RCAN2: variants seen among roughly 807,000 people sequenced by gnomAD.
RCAN2 encodes the protein calcipressin-2.
RCAN2 carries 9 observed loss-of-function variants against 23.6 expected under a neutral mutation model. That is an observed-to-expected ratio of 0.38 (90% CI 0.23 to 0.67). The LOEUF is 0.67. RCAN2 is among the 30% of genes least tolerant of loss of function. The pLI is 0.51. For missense variants in RCAN2, 273 were observed against 302.3 expected (o/e 0.90, Z 0.72); for synonymous variants, 109 against 115.7 (o/e 0.94, Z 0.37).
At position 46,337,025 on chromosome 6, in the gene RCAN2, T is replaced by C. The variant is rs146949130; in HGVS notation, c.226-88129A>G. Among the ~76,000 whole-genome samples the C allele has an allele frequency of 3.3e-5, 5 of 151,354 alleles. No homozygotes were observed. The East Asian group carries it at 5.8e-4, about 18-fold the overall frequency. ...GGGTTTCAGTCTGGGTAGATCATGG[T>C]AACTGTAACTGAAATAGCTTAGTTA... On this transcript the variant is annotated intron_variant, in intron 2 of 4. Coordinates refer to ENST00000371374, the MANE Select transcript of RCAN2 (RefSeq NM_001251974.2).
At chr6:46,468,699 G>A in intron 1 of RCAN2, 4 of 532,130 alleles carry the variant, frequency 7.5e-6, no homozygotes, top group Non-Finnish European at 9.6e-6. Flanking sequence ...CTGTGCTGAC[G>A]AGACAAATGG....
chr6:46,454,278 T>G (rs1307245089), intron 2 of RCAN2, among the ~76,000 whole-genome samples: 1 of 152,198 alleles, frequency 6.6e-6, no homozygotes, highest in Non-Finnish European at 1.5e-5. Context: ...TCATAATAGT[T>G]TTTTAAAAAG....
chr6:46,411,760 T>G (rs1766556568), intron 2 of RCAN2, among the ~76,000 whole-genome samples: 1 of 152,104 alleles, frequency 6.6e-6, no homozygotes, highest in African/African-American at 2.4e-5. Flanking sequence ...TTATAAAAAC[T>G]AAGAGGAAGA....
At chr6:46,424,777 G>T (rs1290329626) in intron 2 of RCAN2, among the ~76,000 whole-genome samples, 2 of 152,020 alleles carry the variant, frequency 1.3e-5, no homozygotes, top group Non-Finnish European at 2.9e-5. Context: ...CAGGGATTCT[G>T]GGAATACTAT....
chr6:46,350,373 G>A (rs1190616553), intron 2 of RCAN2, among the ~76,000 whole-genome samples: 1 of 152,188 alleles, frequency 6.6e-6, no homozygotes, highest in Non-Finnish European at 1.5e-5. Flanking sequence ...GAGCAGGTGA[G>A]CAGGCTGGAT....
At chr6:46,424,779 G>T (rs1766988915) in intron 2 of RCAN2, among the ~76,000 whole-genome samples, 3 of 152,016 alleles carry the variant, frequency 2.0e-5, no homozygotes, top group African/African-American at 7.3e-5. Context: ...GGGATTCTGG[G>T]AATACTATAG....
chr6:46,244,273 CT>C (rs907642166), intron 4 of RCAN2, among the ~76,000 whole-genome samples: 3 of 152,052 alleles, frequency 2.0e-5, no homozygotes, highest in African/African-American at 7.2e-5. Context: ...TCGCCAACTG[CT>C]TTTTTTTCTC....
At chr6:46,226,163 G>C (rs1008266976) in intron 4 of RCAN2, among the ~76,000 whole-genome samples, 1 of 152,200 alleles carries the variant, frequency 6.6e-6, no homozygotes, top group Non-Finnish European at 1.5e-5. Flanking sequence ...TTTGGTACCA[G>C]TACCGTGCTA....
chr6:46,399,700 T>A (rs551632363), intron 2 of RCAN2, among the ~76,000 whole-genome samples: 33 of 152,002 alleles, frequency 2.2e-4, no homozygotes, highest in Admixed American at 7.2e-4. Context: ...GTTACTCCAA[T>A]CTCTGCCTTC....
chr6:46,472,129 A>G (rs1768573725), intron 1 of RCAN2, among the ~76,000 whole-genome samples: 1 of 152,126 alleles, frequency 6.6e-6, no homozygotes, highest in South Asian at 2.1e-4. Context: ...TCCCACAACA[A>G]CGTAGCTTTT....
intron 2 of RCAN2, among the ~76,000 whole-genome samples, chr6:46,350,382 A>G (rs1469409309): frequency 6.6e-6 from 1 of 152,182 alleles, no homozygotes; most frequent in Non-Finnish European, 1.5e-5. Flanking sequence ...AGCAGGCTGG[A>G]TAGAGGTGTC....
intron 1 of RCAN2, among the ~76,000 whole-genome samples, chr6:46,478,186 G>T (rs1013625257): frequency 1.3e-5 from 2 of 152,222 alleles, no homozygotes; most frequent in Admixed American, 1.3e-4. Flanking sequence ...CTAGAAAACT[G>T]AGGTCAAAAT....
intron 2 of RCAN2, among the ~76,000 whole-genome samples, chr6:46,336,459 GA>G (rs1004639797): frequency 6.6e-6 from 1 of 152,194 alleles, no homozygotes; most frequent in Non-Finnish European, 1.5e-5. Context: ...AGGCTTCAAG[GA>G]AAAAGAAGGG....
chr6:46,226,619 T>G (rs1331564280), intron 4 of RCAN2, among the ~76,000 whole-genome samples: 7 of 152,194 alleles, frequency 4.6e-5, no homozygotes, highest in Non-Finnish European at 1.0e-4. Flanking sequence ...TGCTTGTGAT[T>G]TTTGCACATT....
chr6:46,224,441 C>T (rs1013714692), intron 4 of RCAN2, among the ~76,000 whole-genome samples: 6 of 152,214 alleles, frequency 3.9e-5, no homozygotes, highest in Admixed American at 6.5e-5. Context: ...CGTAATCTCT[C>T]ACCAATCTTT....
chr6:46,446,309 G>T, intron 2 of RCAN2, among the ~76,000 whole-genome samples: 1 of 146,270 alleles, frequency 6.8e-6, no homozygotes, highest in Admixed American at 6.8e-5. Context: ...TGTGTGGGTG[G>T]GGGTGCTGGG....
intron 2 of RCAN2, among the ~76,000 whole-genome samples, chr6:46,421,992 T>C (rs1213344417): frequency 6.6e-6 from 1 of 152,220 alleles, no homozygotes; most frequent in African/African-American, 2.4e-5. Context: ...GAGCTACGTA[T>C]AGGACCATAA....
rs1463633124 is a variant in RCAN2 at position 46,393,322 on chromosome 6, T to G, written c.225+63430A>C. Among the ~76,000 whole-genome samples the G allele has an allele frequency of 2.6e-5, 4 of 152,206 alleles. No homozygotes were observed. In the East Asian group the frequency reaches 7.7e-4, roughly 29 times the overall value. ...TGTAACTTCCATGAACCTTGGTTTT[T>G]GTTCCTGTGATGTGGGGATGATAAT... On this transcript the variant is annotated intron_variant, in intron 2 of 4. Coordinates refer to ENST00000371374, the MANE Select transcript of RCAN2 (RefSeq NM_001251974.2).
chr6:46,418,520 C>T (rs1386875816), intron 2 of RCAN2, among the ~76,000 whole-genome samples: 1 of 151,810 alleles, frequency 6.6e-6, no homozygotes, highest in African/African-American at 2.4e-5. Flanking sequence ...TTTTGTCATT[C>T]TCGTCTGACC....
Sources: allele counts gnomAD v4.1 joint callset (sites outside exome capture counted in the v4.1 genomes callset), GRCh38; gene constraint gnomAD v4.1.1; transcripts MANE v1.5; gene names NCBI Gene and HGNC (gene_info 2026-07-23, HGNC 2026-07-21).